SNAP47: variants seen among roughly 807,000 people sequenced by gnomAD.
The protein encoded by SNAP47 is synaptosomal-associated protein 47.
In SNAP47, 20 loss-of-function variants were observed where a neutral mutation model predicts 31.4. The observed-to-expected ratio is 0.64, with a 90% CI of 0.45 to 0.93. The LOEUF is 0.93. Among genes scored for constraint, SNAP47 ranks in the 40% least tolerant of loss-of-function variants. The pLI, the probability that SNAP47 is intolerant of heterozygous loss-of-function variation, is 0.00. For missense variants in SNAP47, 492 were observed against 528.5 expected (o/e 0.93, Z 0.68); for synonymous variants, 194 against 213.4 (o/e 0.91, Z 0.79).
rs1412465956 is a variant in SNAP47, at chr1:227,780,751, G to A, written c.*78G>A. On this transcript the variant is annotated 3_prime_UTR_variant, in exon 5 of 5. Coordinates refer to ENST00000617596, the MANE Select transcript of SNAP47 (RefSeq NM_053052.4). ...AGGGCTGGGCGGCAGTGCCAGGGCT[G>A]CAGAGGCCTGTGGCCCTCCGGAGTG... The A allele has an allele frequency of 2.5e-6, 4 of 1,581,426 alleles. No homozygotes were observed. The African/African-American group carries it at 4.0e-5, about 16-fold the overall frequency.
intron 4 of SNAP47, among the ~76,000 whole-genome samples, chr1:227,773,588 C>T (rs922755195): frequency 2.0e-5 from 3 of 152,242 alleles, no homozygotes; most frequent in Non-Finnish European, 2.9e-5. Context: ...CCCAGGGCCG[C>T]GTCCAGTCCT....
chr1:227,733,501 C>G, upstream of SNAP47: 1 of 1,594,984 alleles, frequency 6.3e-7, no homozygotes, highest in Non-Finnish European at 8.5e-7. Context: ...GGCCAGCAAG[C>G]TGGTTCCGTG....
At chr1:227,760,008 C>T (rs1662962416) in intron 3 of SNAP47, among the ~76,000 whole-genome samples, 1 of 152,190 alleles carries the variant, frequency 6.6e-6, no homozygotes, top group African/African-American at 2.4e-5. Context: ...GTGTCTCTGC[C>T]ACAACACGAG....
At chr1:227,769,398 G>A (rs965085888) in intron 4 of SNAP47, among the ~76,000 whole-genome samples, 2 of 152,096 alleles carry the variant, frequency 1.3e-5, no homozygotes, top group African/African-American at 4.8e-5. Flanking sequence ...AGTTTCACAG[G>A]AGACTGTCTT....
intron 4 of SNAP47, chr1:227,777,136 CT>C: frequency 1.2e-6 from 1 of 849,000 alleles, no homozygotes; most frequent in Non-Finnish European, 1.4e-6. Context: ...TTATTTTCTT[CT>C]TTATATTCTG....
At chr1:227,733,913 C>T (rs765132571), upstream of SNAP47, 6 of 1,613,618 alleles carry the variant, frequency 3.7e-6, no homozygotes, top group Non-Finnish European at 5.1e-6. Flanking sequence ...TCACCAGCTG[C>T]CCGCAGGCCC....
At chr1:227,737,011 A>G (rs1461823839) in intron 1 of SNAP47, among the ~76,000 whole-genome samples, 2 of 152,186 alleles carry the variant, frequency 1.3e-5, no homozygotes, top group Non-Finnish European at 2.9e-5. Context: ...GTAAACCTAG[A>G]TACTTTCTTC....
Position 227,747,774 on chromosome 1 carries a change from C to T in SNAP47, c.38C>T (p.Thr13Ile), listed in dbSNP as rs912975166. ...RDVCIHTWPC[T>I]YYLEPKRRWV... ...GTCTGCATCCACACCTGGCCGTGCA[C>T]CTACTACCTGGAGCCCAAGAGGCGA... The change falls in exon 2 of 5, where the codon ACC becomes ATC. Residue 13 changes from threonine (T) to isoleucine (I), a missense_variant. Transcript: ENST00000617596. 4 of 1,614,158 alleles carry T rather than the reference C, an allele frequency of 2.5e-6. No individual in the cohort carries two copies. The highest frequency in any genetic ancestry group is 1.1e-5 in the South Asian group (1 of 91,082).
intron 3 of SNAP47, among the ~76,000 whole-genome samples, chr1:227,759,914 T>G (rs1469895739): frequency 6.6e-6 from 1 of 152,206 alleles, no homozygotes; most frequent in Non-Finnish European, 1.5e-5. Context: ...ATTCTGGGAA[T>G]GCATTAGTTC....
chr1:227,761,205 A>C (rs1663037214), intron 3 of SNAP47, among the ~76,000 whole-genome samples: 1 of 152,228 alleles, frequency 6.6e-6, no homozygotes, highest in South Asian at 2.1e-4. Flanking sequence ...TTTTCTCTTA[A>C]GAGAAAGATT....
chr1:227,733,393 G>A, upstream of SNAP47: 4 of 1,565,092 alleles, frequency 2.6e-6, no homozygotes, highest in South Asian at 1.2e-5. Flanking sequence ...CTGATAGGGG[G>A]CAGGAGAAGC....
At position 227,773,803 on chromosome 1, in the gene SNAP47, C is replaced by G. The variant is rs74782075; in HGVS notation, c.1113+6720C>G. Among the ~76,000 whole-genome samples the G allele has an allele frequency of 4.5e-3, 687 of 152,362 alleles. 5 individuals are homozygous for G. Among genetic ancestry groups the G allele is most frequent in the African/African-American group, 0.016 (647 of 41,582 alleles). ...GCTACACAGCCGGCCACCACAGGCCCTGCCCCCTCAGTGTGTGTATGTGTA... is the reference window on the plus strand; with the variant it reads ...GCTACACAGCCGGCCACCACAGGCCGTGCCCCCTCAGTGTGTGTATGTGTA... On this transcript the variant is annotated intron_variant, in intron 4 of 4. Transcript: ENST00000617596.
chr1:227,740,154 GA>G (rs1240234813), intron 1 of SNAP47, among the ~76,000 whole-genome samples: 2 of 152,228 alleles, frequency 1.3e-5, no homozygotes, highest in Non-Finnish European at 2.9e-5. Flanking sequence ...AGTGCCTTAG[GA>G]AGGCGAGGAA....
intron 1 of SNAP47, among the ~76,000 whole-genome samples, chr1:227,737,797 G>A (rs1161328901): frequency 6.6e-6 from 1 of 151,194 alleles, no homozygotes. Flanking sequence ...AGGGACAGGA[G>A]GCGGAGAGTT....
chr1:227,734,247 T>A (rs1660896533), upstream of SNAP47: 3 of 579,572 alleles, frequency 5.2e-6, no homozygotes, highest in Non-Finnish European at 9.0e-6. Context: ...TAGAAAGTAC[T>A]GATCATGCCT....
At position 227,742,091 on chromosome 1, in the gene SNAP47, A is replaced by G. The variant is rs1044241460; in HGVS notation, c.-45-5601A>G. 1.3e-4 allele frequency among the ~76,000 whole-genome samples: 20 copies of G among 152,058 alleles called. 1 individual carries two copies. The highest frequency in any genetic ancestry group is 1.3e-3 in the Admixed American group (20 of 15,280). On this transcript the variant is annotated intron_variant, in intron 1 of 4. Transcript: ENST00000617596. ...CGTGTGCACAATGTGCAGGTTAGTT[A>G]CATATGTATACATGTGCCATGCTGG...
chr1:227,760,884 A>G (rs1663015533), intron 3 of SNAP47, among the ~76,000 whole-genome samples: 1 of 152,226 alleles, frequency 6.6e-6, no homozygotes, highest in Non-Finnish European at 1.5e-5. Context: ...TCCCTTACAG[A>G]AATCTTTTAT....
upstream of SNAP47, chr1:227,733,018 T>C (rs754046341): frequency 1.2e-6 from 2 of 1,613,498 alleles, no homozygotes; most frequent in Admixed American, 3.3e-5. Flanking sequence ...TTGATGGAGA[T>C]GGTGTCATCC....
intron 2 of SNAP47, among the ~76,000 whole-genome samples, chr1:227,751,756 T>TTG (rs1662377647): frequency 1.7e-5 from 1 of 59,282 alleles, no homozygotes; most frequent in African/African-American, 6.2e-5. Context: ...TTTTTTTTTT[T>TTG]TTTTTTTTTT....
Sources: allele counts gnomAD v4.1 joint callset (sites outside exome capture counted in the v4.1 genomes callset), GRCh38; gene constraint gnomAD v4.1.1; transcripts MANE v1.5; gene names NCBI Gene and HGNC (gene_info 2026-07-23, HGNC 2026-07-21).